The following ELAVL1 variants were observed in gnomAD, a reference collection of about 807,000 sequenced individuals.
ELAVL1 encodes the protein ELAV-like protein 1.
ELAVL1 carries 1 observed loss-of-function variant against 28.4 expected under a neutral mutation model. The observed-to-expected ratio is 0.04, with a 90% CI of 0.01 to 0.17. The LOEUF (loss-of-function observed/expected upper bound fraction) is 0.17, where lower values mean the gene tolerates loss of function less well. Ranked by LOEUF, ELAVL1 falls within the 10% of genes least tolerant of loss-of-function variation. The pLI is 1.00. For missense variants in ELAVL1, 157 were observed against 447.2 expected (o/e 0.35, Z 5.85); for synonymous variants, 174 against 183.5 (o/e 0.95, Z 0.42).
intron 4 of ELAVL1, among the ~76,000 whole-genome samples, chr19:7,972,358 C>T (rs1391633359): frequency 1.3e-5 from 2 of 152,256 alleles, no homozygotes; most frequent in Non-Finnish European, 2.9e-5. Flanking sequence ...CAGCCGTGGG[C>T]GTGCACATGT....
At chr19:7,978,259 G>A (rs954563471) in intron 3 of ELAVL1, among the ~76,000 whole-genome samples, 1 of 152,170 alleles carries the variant, frequency 6.6e-6, no homozygotes, top group African/African-American at 2.4e-5. Context: ...ATAAGGCCTT[G>A]GATCCCACTT....
At chr19:7,997,414 C>T (rs986419849) in intron 1 of ELAVL1, among the ~76,000 whole-genome samples, 1 of 152,192 alleles carries the variant, frequency 6.6e-6, no homozygotes, top group African/African-American at 2.4e-5. Flanking sequence ...CATCTTGCCA[C>T]ATCATTTCTG....
chr19:7,975,538 G>A (rs1985257387), intron 3 of ELAVL1, among the ~76,000 whole-genome samples: 1 of 152,218 alleles, frequency 6.6e-6, no homozygotes, highest in South Asian at 2.1e-4. Context: ...CGGCCCCTCG[G>A]CCAGAACCCT....
Position 7,991,820 on chromosome 19 carries a change from T to C in ELAVL1, c.-5A>G, listed in dbSNP as rs749189050. 14 of 1,585,146 alleles carry C rather than the reference T, an allele frequency of 8.8e-6. No homozygotes were observed. The East Asian group carries it at 2.9e-4, about 33-fold the overall frequency. On this transcript the variant is annotated 5_prime_UTR_variant, in exon 2 of 6. Transcript: ENST00000407627. ...GTCTTCATAACCATTAGACATTGTA[T>C]TTTTCAAAAATCTGCCAAGAGAAAA...
intron 4 of ELAVL1, 147 bp from the exon 5 acceptor site, chr19:7,967,937 C>T: frequency 2.5e-6 from 2 of 805,826 alleles, no homozygotes; most frequent in Non-Finnish European, 3.8e-6. Flanking sequence ...AAAGTGAAAA[C>T]AAATGGATGG....
chr19:7,991,593 C>G, intron 2 of ELAVL1, 51 bp downstream of exon 2: 4 of 1,566,110 alleles, frequency 2.6e-6, no homozygotes, highest in Non-Finnish European at 2.6e-6. Flanking sequence ...AGACAGTGCC[C>G]AAAGGATGGC....
At chr19:7,964,135 C>T (rs371893935) in intron 5 of ELAVL1, among the ~76,000 whole-genome samples, 3 of 152,284 alleles carry the variant, frequency 2.0e-5, no homozygotes, top group South Asian at 4.1e-4. Context: ...CCTGGTCCTC[C>T]GTTGAAGGTA....
In ELAVL1 at chr19:7,973,819, C is replaced by G. The variant is rs1379108637; in HGVS notation, c.336G>C (p.Gly112=). 6.2e-7 allele frequency: 1 copy of G among 1,614,010 alleles called. No individual in the cohort carries two copies. Among genetic ancestry groups the G allele is most frequent in the Non-Finnish European group, 8.5e-7 (1 of 1,180,032 alleles). The change falls in exon 4 of 6, where the codon GGG becomes GGC. Residue 112 remains glycine (G), a synonymous_variant. Transcript: ENST00000407627. ...CCTTCTGGGTCATGGTCCGCGGGAG[C>G]CCGCTGATGTACAAGTTGGCGTCTT... The part of the protein sequence containing the change: ...VIKDANLYIS[G]LPRTMTQKDV...
At chr19:8,003,159 G>A (rs2081073946) in intron 1 of ELAVL1, among the ~76,000 whole-genome samples, 1 of 151,222 alleles carries the variant, frequency 6.6e-6, no homozygotes, top group African/African-American at 2.4e-5. Context: ...AGGCCAAGGC[G>A]GGTGGATCAC....
chr19:7,984,812 C>T (rs1985557658), intron 2 of ELAVL1, among the ~76,000 whole-genome samples: 2 of 152,242 alleles, frequency 1.3e-5, no homozygotes, highest in Non-Finnish European at 2.9e-5. Flanking sequence ...TGTCCAGCAC[C>T]TGACCACCCA....
intron 2 of ELAVL1, among the ~76,000 whole-genome samples, chr19:7,986,338 A>G (rs1985601382): frequency 6.6e-6 from 1 of 152,230 alleles, no homozygotes; most frequent in African/African-American, 2.4e-5. Flanking sequence ...AATAAATAAG[A>G]AACAGCAAAG....
In ELAVL1 at chr19:7,987,185, G is replaced by A. The variant is rs1182834179; in HGVS notation, c.172+4459C>T. ...CCCAGGGGTGTCCCTACCCTCTTGG[G>A]ACACCCCCTCCTCCGGGATGTGGTT... On this transcript the variant is annotated intron_variant, in intron 2 of 5. Coordinates refer to ENST00000407627, the MANE Select transcript of ELAVL1 (RefSeq NM_001419.3). Among the ~76,000 whole-genome samples the A allele has an allele frequency of 4.6e-5, 7 of 152,060 alleles. No individual in the cohort carries two copies. The South Asian group carries it at 1.5e-3, about 32-fold the overall frequency.
chr19:7,971,367 G>A (rs1250910320), intron 4 of ELAVL1, among the ~76,000 whole-genome samples: 1 of 152,254 alleles, frequency 6.6e-6, no homozygotes, highest in East Asian at 1.9e-4. Context: ...GGCCGAGGCA[G>A]AGCAGTGCAT....
Position 7,960,095 on chromosome 19 carries a change from G to C in ELAVL1, c.*3388C>G, listed in dbSNP as rs765946658. On this transcript the variant is annotated 3_prime_UTR_variant, in exon 6 of 6. Coordinates refer to ENST00000407627, the MANE Select transcript of ELAVL1 (RefSeq NM_001419.3). Reference sequence around the variant, plus strand: ...GTAAGTCATGTCTTTTCAATGCCTGGTGGACAAATGGCCTTCATTTGGAAG... The same window carrying C: ...GTAAGTCATGTCTTTTCAATGCCTGCTGGACAAATGGCCTTCATTTGGAAG... 3 of 152,212 alleles carry C rather than the reference G, an allele frequency of 2.0e-5. No homozygotes were observed. The highest frequency in any genetic ancestry group is 4.8e-5 in the African/African-American group (2 of 41,460). 9.4% of individuals were successfully genotyped at this position (152,212 alleles called of 1,614,324 possible).
chr19:7,973,740 C>A lies in ELAVL1; in HGVS notation c.415G>T (p.Val139Leu). 6.2e-7 allele frequency: 1 copy of A among 1,614,066 alleles called. No individual in the cohort carries two copies. Among genetic ancestry groups the A allele is most frequent in the Non-Finnish European group, 8.5e-7 (1 of 1,179,970 alleles). Residue 139 changes from valine to leucine, a missense_variant, in exon 4 of 6, where the codon GTG (valine) becomes TTG (leucine). Val to Leu is a conservative substitution (Grantham distance 32, BLOSUM62 1). Transcript: ENST00000407627. ...CCTCTGGTACCTGTAGTCTGATCCACGAGGACCCGCGAGTTGATGATCCGC... is the reference window on the plus strand; with the variant it reads ...CCTCTGGTACCTGTAGTCTGATCCAAGAGGACCCGCGAGTTGATGATCCGC... The part of the protein sequence containing the change: ...FGRIINSRVL[V>L]DQTTGLSRGV...
intron 1 of ELAVL1, among the ~76,000 whole-genome samples, chr19:7,996,402 C>T (rs1006337520): frequency 6.6e-6 from 1 of 151,634 alleles, no homozygotes; most frequent in Non-Finnish European, 1.5e-5. Context: ...AGGATGGTCT[C>T]CATCTCCTGA....
At chr19:7,976,042 G>A (rs1229951781) in intron 3 of ELAVL1, among the ~76,000 whole-genome samples, 4 of 151,438 alleles carry the variant, frequency 2.6e-5, no homozygotes, top group Non-Finnish European at 5.9e-5. Context: ...GCAGTGAGCC[G>A]TGATCACATC....
chr19:7,977,697 G>A (rs903294052), intron 3 of ELAVL1, among the ~76,000 whole-genome samples: 7 of 152,266 alleles, frequency 4.6e-5, no homozygotes, highest in Non-Finnish European at 1.0e-4. Flanking sequence ...TGCCACCAAG[G>A]GAATGACATC....
At chr19:8,003,385 A>G (rs1363794478) in intron 1 of ELAVL1, among the ~76,000 whole-genome samples, 11 of 139,434 alleles carry the variant, frequency 7.9e-5, no homozygotes, top group South Asian at 2.3e-4. Context: ...GAAAAAGAAA[A>G]AAAAAAAAAA....
Sources: gnomAD v4.1 joint callset for allele counts (sites outside exome capture counted in the v4.1 genomes callset) on GRCh38, gnomAD v4.1.1 for gene constraint, MANE v1.5 for transcripts, NCBI Gene and HGNC (gene_info 2026-07-23, HGNC 2026-07-21) for gene names.